The following RTL4 variants were observed in gnomAD, a reference collection of about 807,000 sequenced individuals.
RTL4 encodes retrotransposon Gag like 4, also known as retrotransposon Gag-like protein 4.
Under a neutral mutation model 5.3 loss-of-function variants are expected in RTL4, and 4 were observed. That is an observed-to-expected ratio of 0.75 (90% CI 0.37 to 1.72). The LOEUF (loss-of-function observed/expected upper bound fraction) is 1.72, where lower values mean the gene tolerates loss of function less well. RTL4 is among the 40% of genes most tolerant of loss of function. The pLI, the probability that RTL4 is intolerant of heterozygous loss-of-function variation, is 0.04. For missense variants in RTL4, 260 were observed against 227.1 expected (o/e 1.14, Z -0.93); for synonymous variants, 98 against 87.3 (o/e 1.12, Z -0.68).
the RTL4 span, among the ~76,000 whole-genome samples, chrX:112,267,009 T>C: frequency 8.9e-6 from 1 of 111,946 alleles, no homozygotes; most frequent in Non-Finnish European, 1.9e-5. Context: ...TCAAAGATAT[T>C]GCTCTAGCAA....
the RTL4 span, among the ~76,000 whole-genome samples, chrX:112,195,912 G>A: frequency 9.0e-6 from 1 of 111,021 alleles, no homozygotes; most frequent in East Asian, 2.8e-4. Flanking sequence ...GCCCAAATTC[G>A]TTTTCTAAAC....
the RTL4 span, among the ~76,000 whole-genome samples, chrX:112,246,684 C>T: frequency 4.5e-5 from 5 of 111,567 alleles, no homozygotes; most frequent in African/African-American, 6.5e-5. Flanking sequence ...CCGGGTGAGG[C>T]GATGCCCCAC....
At chrX:112,291,367 TACACAC>T in the RTL4 span, among the ~76,000 whole-genome samples, 1,714 of 95,337 alleles carry the variant, frequency 0.018, 22 homozygotes, top group African/African-American at 0.032. Context: ...TGTATGTTTG[TACACAC>T]ACACACACAC....
the RTL4 span, among the ~76,000 whole-genome samples, chrX:112,105,916 G>T: frequency 9.0e-6 from 1 of 111,382 alleles, no homozygotes; most frequent in Non-Finnish European, 1.9e-5. Context: ...CCAGTTTTAT[G>T]TTGAATGGAA....
chrX:112,236,468 T>A, the RTL4 span, among the ~76,000 whole-genome samples: 3 of 77,080 alleles, frequency 3.9e-5, no homozygotes, highest in African/African-American at 1.1e-4. Context: ...GATCTATATC[T>A]ATATATAGAT....
chrX:112,089,198 G>A, the RTL4 span, among the ~76,000 whole-genome samples: 13 of 109,837 alleles, frequency 1.2e-4, no homozygotes, highest in Non-Finnish European at 2.3e-4. Context: ...GCCATGCTGC[G>A]GTGCTGCACC....
chrX:112,213,509 A>G, the RTL4 span, among the ~76,000 whole-genome samples: 2 of 112,665 alleles, frequency 1.8e-5, no homozygotes, highest in Non-Finnish European at 3.7e-5. Flanking sequence ...AGCTGAGTCC[A>G]GTGCTTGGTG....
the RTL4 span, among the ~76,000 whole-genome samples, chrX:112,259,445 C>A: frequency 9.0e-6 from 1 of 110,628 alleles, no homozygotes; most frequent in Non-Finnish European, 1.9e-5. Context: ...ATAATCGTTG[C>A]TAGCTCCTGG....
the RTL4 span, among the ~76,000 whole-genome samples, chrX:112,321,181 C>CTTT: frequency 9.0e-6 from 1 of 111,716 alleles, no homozygotes; most frequent in African/African-American, 3.3e-5. Context: ...GGCTATTATA[C>CTTT]TTTGCTACTA....
chrX:112,143,465 C>G, the RTL4 span, among the ~76,000 whole-genome samples: 1 of 111,485 alleles, frequency 9.0e-6, no homozygotes, highest in Non-Finnish European at 1.9e-5. Context: ...ATTCAGCACT[C>G]AAGATTCGCT....
the RTL4 span, among the ~76,000 whole-genome samples, chrX:112,265,205 T>C: frequency 1.8e-5 from 2 of 112,832 alleles, no homozygotes; most frequent in East Asian, 5.6e-4. Context: ...TGTTCAAATC[T>C]CTCTACTACC....
At chrX:112,332,246 G>A in the RTL4 span, among the ~76,000 whole-genome samples, 263 of 110,616 alleles carry the variant, frequency 2.4e-3, 1 homozygote, top group African/African-American at 7.9e-3. Context: ...ACTGTAAACT[G>A]GTTCAACCAT....
chrX:112,403,371 G>T, the RTL4 span, among the ~76,000 whole-genome samples: 1 of 112,057 alleles, frequency 8.9e-6, no homozygotes, highest in Non-Finnish European at 1.9e-5. Context: ...TTGCTAGAAG[G>T]TATTGGTCAT....
At chrX:112,309,286 A>C in the RTL4 span, among the ~76,000 whole-genome samples, 1 of 108,151 alleles carries the variant, frequency 9.2e-6, no homozygotes, top group Admixed American at 9.9e-5. Flanking sequence ...GCAGAGATAG[A>C]CAAGTAAGCT....
At chrX:112,178,265 G>A in the RTL4 span, among the ~76,000 whole-genome samples, 2 of 111,720 alleles carry the variant, frequency 1.8e-5, no homozygotes, top group South Asian at 3.8e-4. Context: ...CCAGCCCCAT[G>A]TAAGCAGCTT....
chrX:112,224,009 C>T, the RTL4 span, among the ~76,000 whole-genome samples: 1 of 111,585 alleles, frequency 9.0e-6, no homozygotes, highest in Non-Finnish European at 1.9e-5. Flanking sequence ...TTTGAGGTCT[C>T]AGTATTGAAT....
chrX:112,270,842 T>C, the RTL4 span, among the ~76,000 whole-genome samples: 2 of 110,354 alleles, frequency 1.8e-5, no homozygotes, highest in Non-Finnish European at 3.8e-5. Context: ...GCTGCTTTTT[T>C]ACTGTCACAG....
At chrX:112,451,026 C>T (rs1329771070), upstream of RTL4, among the ~76,000 whole-genome samples, 5 of 111,210 alleles carry the variant, frequency 4.5e-5, no homozygotes, top group Non-Finnish European at 9.4e-5. Context: ...ATTTTTTTTC[C>T]CTACAGGAAT....
At chrX:112,309,762 G>A in the RTL4 span, among the ~76,000 whole-genome samples, 8 of 108,200 alleles carry the variant, frequency 7.4e-5, no homozygotes, top group African/African-American at 1.0e-4. Context: ...CTCCATGGCC[G>A]GCTATATGTA....
Sources: gnomAD v4.1 joint callset for allele counts (sites outside exome capture counted in the v4.1 genomes callset) on GRCh38, gnomAD v4.1.1 for gene constraint, MANE v1.5 for transcripts, NCBI Gene and HGNC (gene_info 2026-07-23, HGNC 2026-07-21) for gene names.